The following GALNT17 variants were observed in gnomAD, a reference collection of about 807,000 sequenced individuals.
The protein encoded by GALNT17 is polypeptide N-acetylgalactosaminyltransferase 17.
A neutral mutation model predicts 63.7 loss-of-function variants in GALNT17; 29 were observed. The ratio of observed to expected loss-of-function variants is 0.46; its 90% CI spans 0.34 to 0.62. The LOEUF (loss-of-function observed/expected upper bound fraction) is 0.62. Ranked by LOEUF, GALNT17 falls within the 20% of genes least tolerant of loss-of-function variation. The pLI is 0.01. For synonymous variants in GALNT17, 305 were observed against 318.3 expected, an observed-to-expected ratio of 0.96 and a Z score of 0.45; for missense variants, 603 against 799.6, an observed-to-expected ratio of 0.75 and a Z score of 2.97.
At chr7:71,259,552 G>A (rs776954806) in intron 1 of GALNT17, among the ~76,000 whole-genome samples, 1 of 151,916 alleles carries the variant, frequency 6.6e-6, no homozygotes, top group Non-Finnish European at 1.5e-5. Context: ...AGTGGACAGT[G>A]TCACATATTA....
intron 9 of GALNT17, among the ~76,000 whole-genome samples, chr7:71,700,316 AAAAAG>A (rs1369506522): frequency 1.3e-5 from 2 of 152,006 alleles, no homozygotes; most frequent in Non-Finnish European, 2.9e-5. Context: ...AAAAAAAAAA[AAAAAG>A]AAGAATTCTT....
chr7:71,658,201 T>A (rs191349691), intron 6 of GALNT17, among the ~76,000 whole-genome samples: 25 of 152,322 alleles, frequency 1.6e-4, no homozygotes, highest in Admixed American at 1.4e-3. Flanking sequence ...GCCACTGCGC[T>A]GGGCCTAGTG....
intron 2 of GALNT17, among the ~76,000 whole-genome samples, chr7:71,382,941 C>T (rs534295915): frequency 6.7e-4 from 102 of 152,252 alleles, no homozygotes; most frequent in African/African-American, 2.4e-3. Context: ...CTGCCACCAC[C>T]GTCCATCTCC....
intron 5 of GALNT17, among the ~76,000 whole-genome samples, chr7:71,508,558 C>G (rs933271791): frequency 9.9e-5 from 15 of 152,108 alleles, no homozygotes. Context: ...GCAGCACCCC[C>G]CGGCCCATGG....
intron 9 of GALNT17, among the ~76,000 whole-genome samples, chr7:71,710,544 G>A (rs560731152): frequency 1.3e-5 from 2 of 152,240 alleles, no homozygotes; most frequent in South Asian, 4.1e-4. Flanking sequence ...AGTTGCCCTG[G>A]GGACTCTGTA....
chr7:71,339,489 C>G (rs913842763), intron 2 of GALNT17, among the ~76,000 whole-genome samples: 7 of 152,248 alleles, frequency 4.6e-5, no homozygotes, highest in African/African-American at 1.7e-4. Flanking sequence ...GAGTTCGAGA[C>G]TAGCCTGGCC....
chr7:71,373,824 G>A (rs1052464424), intron 2 of GALNT17, among the ~76,000 whole-genome samples: 2 of 152,154 alleles, frequency 1.3e-5, no homozygotes, highest in Non-Finnish European at 2.9e-5. Context: ...TGCCAAAAAT[G>A]TTGGGGGCCG....
chr7:71,209,742 C>G (rs768385375), intron 1 of GALNT17, among the ~76,000 whole-genome samples: 17 of 151,816 alleles, frequency 1.1e-4, no homozygotes, highest in Admixed American at 4.6e-4. Flanking sequence ...AAGGACATAC[C>G]CGAGACTGGG....
At chr7:71,237,796 T>A (rs973698893) in intron 1 of GALNT17, among the ~76,000 whole-genome samples, 12 of 152,160 alleles carry the variant, frequency 7.9e-5, no homozygotes, top group Admixed American at 2.6e-4. Context: ...GTTTTGGAAC[T>A]TTTTGGGGAT....
At chr7:71,288,143 G>A (rs1790909373) in intron 1 of GALNT17, among the ~76,000 whole-genome samples, 1 of 149,694 alleles carries the variant, frequency 6.7e-6, no homozygotes, top group Admixed American at 6.6e-5. Context: ...TTGAACCCGT[G>A]GGGTGGAGGT....
intron 2 of GALNT17, among the ~76,000 whole-genome samples, chr7:71,384,681 G>T (rs896632664): frequency 2.0e-5 from 3 of 152,192 alleles, no homozygotes; most frequent in Non-Finnish European, 4.4e-5. Flanking sequence ...GGAATTTGCA[G>T]AGCCTGGTGT....
At chr7:71,285,917 A>G (rs1316302285) in intron 1 of GALNT17, among the ~76,000 whole-genome samples, 1 of 152,218 alleles carries the variant, frequency 6.6e-6, no homozygotes, top group Non-Finnish European at 1.5e-5. Flanking sequence ...TTGTGAAGCT[A>G]TTTCTAGTTC....
At chr7:71,321,850 T>TTTCC (rs1399821960) in intron 1 of GALNT17, among the ~76,000 whole-genome samples, 3 of 130,652 alleles carry the variant, frequency 2.3e-5, no homozygotes, top group Non-Finnish European at 3.3e-5. Flanking sequence ...CCTTCCTTCC[T>TTTCC]TTCCTTCCTT....
At chr7:71,690,143 G>T in intron 9 of GALNT17, among the ~76,000 whole-genome samples, 1 of 151,608 alleles carries the variant, frequency 6.6e-6, no homozygotes, top group East Asian at 1.9e-4. Context: ...TCCCGCCTCA[G>T]CCTCCCGAGT....
intron 5 of GALNT17, among the ~76,000 whole-genome samples, chr7:71,477,966 T>C (rs1379368485): frequency 6.6e-6 from 1 of 152,170 alleles, no homozygotes; most frequent in East Asian, 1.9e-4. Context: ...GTCCTTTCTT[T>C]GTTAAGAATC....
At chr7:71,551,241 A>C (rs1789071589) in intron 5 of GALNT17, among the ~76,000 whole-genome samples, 1 of 152,166 alleles carries the variant, frequency 6.6e-6, no homozygotes, top group Non-Finnish European at 1.5e-5. Flanking sequence ...ATCTGCTGAT[A>C]AATGATCCAC....
intron 5 of GALNT17, among the ~76,000 whole-genome samples, chr7:71,532,868 A>G (rs1788743683): frequency 6.6e-6 from 1 of 152,052 alleles, no homozygotes. Context: ...TAAAAGCCCC[A>G]TTGCCTTCCT....
chr7:71,436,633 G>A (rs1786968518), intron 5 of GALNT17, among the ~76,000 whole-genome samples: 1 of 151,724 alleles, frequency 6.6e-6, no homozygotes, highest in Non-Finnish European at 1.5e-5. Context: ...GCAGGAGAAT[G>A]GTGTGAACCC....
chr7:71,670,965 A>C (rs1470805124), intron 8 of GALNT17, among the ~76,000 whole-genome samples: 2 of 151,352 alleles, frequency 1.3e-5, no homozygotes, highest in African/African-American at 2.4e-5. Flanking sequence ...TATTTTTTTT[A>C]CTAAAACCAT....
Sources: gnomAD v4.1 joint callset for allele counts (sites outside exome capture counted in the v4.1 genomes callset) on GRCh38, gnomAD v4.1.1 for gene constraint, MANE v1.5 for transcripts, NCBI Gene and HGNC (gene_info 2026-07-23, HGNC 2026-07-21) for gene names.